PRRC2B: variants seen among roughly 807,000 people sequenced by gnomAD.
PRRC2B encodes the protein proline rich coiled-coil 2B, also known as protein PRRC2B.
A neutral mutation model predicts 242.3 loss-of-function variants in PRRC2B; 68 were observed. The ratio of observed to expected loss-of-function variants is 0.28; its 90% CI spans 0.23 to 0.34. The LOEUF (loss-of-function observed/expected upper bound fraction) is 0.34. Among genes scored for constraint, PRRC2B ranks in the 10% least tolerant of loss-of-function variants. PRRC2B has a pLI of 1.00. For synonymous variants in PRRC2B, 1,228 were observed against 1,173.6 expected (o/e 1.05, Z -0.95); for missense variants, 2,835 against 2,954.8 (o/e 0.96, Z 0.94).
rs986078774 is a variant in PRRC2B, at chr9:131,420,496, T to C, written c.-51-9598T>C. Among the ~76,000 whole-genome samples, 10 of 75,880 alleles carry C rather than the reference T, an allele frequency of 1.3e-4. 1 individual carries two copies. Among genetic ancestry groups the C allele is most frequent in the African/African-American group, 4.8e-4 (9 of 18,724 alleles). The allele number at this position is 75,880 out of a possible 152,430, so 49.8% of individuals were successfully genotyped here. On this transcript the variant is annotated intron_variant, in intron 1 of 31. Coordinates refer to ENST00000683519, the MANE Select transcript of PRRC2B (RefSeq NM_013318.4). ...TTCTTTCTTTCTTTCTTTCTTTCTT[T>C]TTTTTTTTTTTTTTGAGATGGAGGC...
intron 11 of PRRC2B, among the ~76,000 whole-genome samples, chr9:131,461,390 G>A (rs997710866): frequency 2.6e-5 from 4 of 152,090 alleles, no homozygotes; most frequent in South Asian, 2.1e-4. Context: ...GCAGTCAGCC[G>A]CCAGGACTCC....
chr9:131,442,368 T>C (rs987677095), intron 5 of PRRC2B, among the ~76,000 whole-genome samples: 1 of 152,102 alleles, frequency 6.6e-6, no homozygotes, highest in Non-Finnish European at 1.5e-5. Flanking sequence ...ATTTTAAAAA[T>C]ACAGTTTTTA....
In PRRC2B at chr9:131,497,994, CTT is replaced by C. The variant is rs1944375522; in HGVS notation, c.*2121_*2122del. The stretch of plus-strand genomic sequence containing the variant: ...CCACACATTCATCTCCACCTGGACA[CTT>C]GAGCCGCATGGCCAGACCCCTCCCA... On this transcript the variant is annotated 3_prime_UTR_variant, in exon 32 of 32. Transcript: ENST00000683519. 1.3e-5 allele frequency: 2 copies of C among 152,388 alleles called. No homozygotes were observed. Among genetic ancestry groups the C allele is most frequent in the South Asian group, 2.1e-4 (1 of 4,828 alleles). The allele number at this position is 152,388 out of a possible 1,614,324, so 9.4% of individuals were successfully genotyped here.
At chr9:131,425,126 C>G (rs1049551325) in intron 1 of PRRC2B, among the ~76,000 whole-genome samples, 1 of 152,118 alleles carries the variant, frequency 6.6e-6, no homozygotes, top group African/African-American at 2.4e-5. Context: ...GCTGAGATTA[C>G]AGGCGTGCAC....
rs1234078197 is a variant in PRRC2B at position 131,494,098 on chromosome 9, T to A, written c.6474-307T>A. On this transcript the variant is annotated intron_variant, in intron 30 of 31. Coordinates refer to ENST00000683519, the MANE Select transcript of PRRC2B (RefSeq NM_013318.4). The surrounding 1 kb of genome is among the most constrained non-coding windows in gnomAD (Gnocchi z 4.3). ...GACCCTGAGACGGCCAGTGTCGCTT[T>A]CTGCACAGCAGGACAGCCATGCCCA... Among the ~76,000 whole-genome samples the A allele has an allele frequency of 6.6e-6, 1 of 152,222 alleles. No homozygotes were observed. Among genetic ancestry groups the A allele is most frequent in the Non-Finnish European group, 1.5e-5 (1 of 68,038 alleles).
At chr9:131,431,724 C>A (rs1838179234) in intron 2 of PRRC2B, among the ~76,000 whole-genome samples, 1 of 151,476 alleles carries the variant, frequency 6.6e-6, no homozygotes, top group East Asian at 2.0e-4. Flanking sequence ...GTGGCTGGGA[C>A]TACAGGCGCC....
At chr9:131,488,953 G>A (rs575090941) in intron 28 of PRRC2B, among the ~76,000 whole-genome samples, 2 of 152,234 alleles carry the variant, frequency 1.3e-5, no homozygotes, top group South Asian at 4.1e-4. Flanking sequence ...TGGTTTTGAT[G>A]TCTGCAGAGA....
In PRRC2B at chr9:131,446,628, A is replaced by G; in HGVS notation, c.841A>G (p.Met281Val). ...ATACCACCCACCTACATACCATGAC[A>G]TGCTTCCTGCTTTTGTAAGTCTTCA... ...NVYHPPTYHD[M>V]LPAFMCSPKS... The change falls in exon 7 of 32, where the codon ATG becomes GTG. Residue 281 changes from methionine (M) to valine (V), a missense_variant. Coordinates refer to ENST00000683519, the MANE Select transcript of PRRC2B (RefSeq NM_013318.4). This position sits in a 1 kb window ranked among gnomAD's most constrained non-coding sequence, Gnocchi z 4.1. The G allele has an allele frequency of 6.2e-7, 1 of 1,613,952 alleles. No homozygotes were observed. The highest frequency in any genetic ancestry group is 8.5e-7 in the Non-Finnish European group (1 of 1,179,850).
intron 28 of PRRC2B, 58 bp downstream of exon 28, chr9:131,488,154 C>T (rs2131474823): frequency 3.3e-6 from 5 of 1,537,574 alleles, no homozygotes; most frequent in Non-Finnish European, 4.4e-6. Flanking sequence ...ACGACCTTGC[C>T]TTTTCTTTTC....
chr9:131,491,367 C>T (rs547397918), intron 28 of PRRC2B, 58 bp from the exon 29 acceptor site: 6 of 1,488,442 alleles, frequency 4.0e-6, no homozygotes, highest in East Asian at 2.4e-5. Context: ...CTCTTTGGTG[C>T]GTTTGGGGTT....
intron 1 of PRRC2B, among the ~76,000 whole-genome samples, chr9:131,386,057 T>C (rs1276063770): frequency 6.7e-6 from 1 of 150,034 alleles, no homozygotes; most frequent in African/African-American, 2.4e-5. Context: ...GAACTTGGGA[T>C]GTGGTTTGGA....
In PRRC2B at chr9:131,476,012, G is replaced by A. The variant is rs1943684439; in HGVS notation, c.3883G>A (p.Glu1295Lys). Residue 1295 changes from glutamate (E) to lysine (K), a missense_variant, in exon 16 of 32, where the codon GAG becomes AAG. Coordinates refer to ENST00000683519, the MANE Select transcript of PRRC2B (RefSeq NM_013318.4). ...DEHVADSENA[E>K]NRPFRRRRPP... Reference sequence around the variant, plus strand: ...ACACGTGGCAGATTCTGAAAATGCAGAGAACCGGCCCTTCAGGAGAAGGCG... The same window carrying A: ...ACACGTGGCAGATTCTGAAAATGCAAAGAACCGGCCCTTCAGGAGAAGGCG... 1.0e-5 allele frequency: 16 copies of A among 1,607,288 alleles called. No homozygotes were observed. Among genetic ancestry groups the A allele is most frequent in the Non-Finnish European group, 1.4e-5 (16 of 1,175,020 alleles).
chr9:131,492,148 G>T, intron 29 of PRRC2B, 21 bp from the exon 30 acceptor site: 1 of 1,599,848 alleles, frequency 6.3e-7, no homozygotes, highest in Non-Finnish European at 8.6e-7. Context: ...ATGACAGCTT[G>T]TTCCTGCTTG....
Position 131,478,144 on chromosome 9 carries a change from C to T in PRRC2B, c.4612+195C>T, listed in dbSNP as rs150439282. 3.1e-3 allele frequency among the ~76,000 whole-genome samples: 479 copies of T among 152,224 alleles called. 2 individuals carry two copies. The highest frequency in any genetic ancestry group is 0.011 in the African/African-American group (463 of 41,542). On this transcript the variant is annotated intron_variant, in intron 17 of 31. Transcript: ENST00000683519. ...TTCCCACCGAGTGTTGCTCACAGCC[C>T]GTTGAATCCCCGTGACACCCTGCAG...
intron 9 of PRRC2B, among the ~76,000 whole-genome samples, chr9:131,449,809 C>T (rs1451247271): frequency 6.6e-6 from 1 of 152,098 alleles, no homozygotes; most frequent in Non-Finnish European, 1.5e-5. Flanking sequence ...AAAATGTTTG[C>T]TTCCCCTTGG....
intron 1 of PRRC2B, among the ~76,000 whole-genome samples, chr9:131,403,689 A>G (rs1837284759): frequency 6.6e-6 from 1 of 151,546 alleles, no homozygotes; most frequent in Admixed American, 6.6e-5. Context: ...ACAAAATTAA[A>G]AGCCAAGTGT....
At chr9:131,384,675 C>T (rs533543566) in intron 1 of PRRC2B, among the ~76,000 whole-genome samples, 5 of 152,244 alleles carry the variant, frequency 3.3e-5, no homozygotes, top group African/African-American at 1.2e-4. Context: ...GCCTCAGCCT[C>T]CCAAAGTGCT....
At chr9:131,428,686 C>T (rs1378946266) in intron 1 of PRRC2B, among the ~76,000 whole-genome samples, 2 of 152,164 alleles carry the variant, frequency 1.3e-5, no homozygotes, top group African/African-American at 4.8e-5. Flanking sequence ...TGTGAACCAC[C>T]ATGCCCGGCC....
At chr9:131,393,016 A>C (rs1417601246), upstream of PRRC2B, among the ~76,000 whole-genome samples, 1 of 152,198 alleles carries the variant, frequency 6.6e-6, no homozygotes, top group Non-Finnish European at 1.5e-5. Flanking sequence ...AGGCTATAAA[A>C]GTATCCAGAA....
Sources: gnomAD v4.1 joint callset for allele counts (sites outside exome capture counted in the v4.1 genomes callset) on GRCh38, gnomAD v4.1.1 for gene constraint, Gnocchi (gnomAD v3.1) non-coding constraint, MANE v1.5 for transcripts, NCBI Gene and HGNC (gene_info 2026-07-23, HGNC 2026-07-21) for gene names.